Variants in NKAIN3 observed in about 807,000 individuals in gnomAD.
The protein encoded by NKAIN3 is sodium/potassium-transporting ATPase subunit beta-1-interacting protein 3.
NKAIN3 carries 25 observed loss-of-function variants against 30.2 expected under a neutral mutation model. The ratio of observed to expected loss-of-function variants is 0.83; its 90% CI spans 0.60 to 1.16. The LOEUF (loss-of-function observed/expected upper bound fraction) is 1.16. Among genes scored for constraint, NKAIN3 ranks in the 50% most tolerant of loss-of-function variants. The pLI is 0.00. For synonymous variants in NKAIN3, 91 were observed against 89.6 expected, an observed-to-expected ratio of 1.02 and a Z score of -0.09; for missense variants, 225 against 254.1, an observed-to-expected ratio of 0.89 and a Z score of 0.78.
intron 3 of NKAIN3, among the ~76,000 whole-genome samples, chr8:62,693,473 G>A (rs2130448615): frequency 6.6e-6 from 1 of 152,286 alleles, no homozygotes; most frequent in South Asian, 2.1e-4. Flanking sequence ...TCCATGGTCA[G>A]TGCAAAGGCT....
chr8:62,994,076 A>G (rs1263423019), intron 5 of NKAIN3, among the ~76,000 whole-genome samples: 2 of 152,200 alleles, frequency 1.3e-5, no homozygotes, highest in Admixed American at 6.5e-5. Flanking sequence ...ATGTGTTAAC[A>G]TTAAAGATGC....
chr8:62,753,289 T>C (rs116305398), intron 4 of NKAIN3, among the ~76,000 whole-genome samples: 2,515 of 151,956 alleles, frequency 0.017, 68 homozygotes, highest in African/African-American at 0.059. Context: ...GAATAAAGTA[T>C]TTCTGCTTGA....
At chr8:62,373,546 C>G (rs1816974700) in intron 1 of NKAIN3, among the ~76,000 whole-genome samples, 1 of 152,114 alleles carries the variant, frequency 6.6e-6, no homozygotes, top group Admixed American at 6.5e-5. Flanking sequence ...CCCTTCCAAA[C>G]CAAGGCTTTT....
At chr8:62,666,528 T>C (rs115710427) in intron 3 of NKAIN3, among the ~76,000 whole-genome samples, 1,888 of 152,180 alleles carry the variant, frequency 0.012, 44 homozygotes, top group East Asian at 0.059. Flanking sequence ...TTTTGTTATG[T>C]TTGTAGTTTT....
At chr8:62,504,224 C>T (rs1807560227) in intron 1 of NKAIN3, among the ~76,000 whole-genome samples, 1 of 152,016 alleles carries the variant, frequency 6.6e-6, no homozygotes, top group African/African-American at 2.4e-5. Context: ...TGAAACTGTC[C>T]CCCCACCACC....
intron 1 of NKAIN3, among the ~76,000 whole-genome samples, chr8:62,339,966 G>A (rs1444717073): frequency 1.3e-5 from 2 of 151,896 alleles, no homozygotes; most frequent in Non-Finnish European, 2.9e-5. Context: ...GGACAAGTAG[G>A]GATTTATATC....
chr8:62,400,321 A>T, intron 1 of NKAIN3, among the ~76,000 whole-genome samples: 1 of 151,644 alleles, frequency 6.6e-6, no homozygotes, highest in Non-Finnish European at 1.5e-5. Context: ...ACAGGCCTGC[A>T]CCACCATGCC....
chr8:62,582,384 A>G (rs1810332481), intron 2 of NKAIN3, among the ~76,000 whole-genome samples: 1 of 152,140 alleles, frequency 6.6e-6, no homozygotes, highest in Admixed American at 6.6e-5. Flanking sequence ...TGCCTTTATC[A>G]AACAATTGTC....
intron 1 of NKAIN3, among the ~76,000 whole-genome samples, chr8:62,401,238 G>A (rs1803861499): frequency 6.6e-6 from 1 of 151,982 alleles, no homozygotes; most frequent in African/African-American, 2.4e-5. Context: ...CCTGCAGTGA[G>A]TCAATTGCAT....
intron 1 of NKAIN3, among the ~76,000 whole-genome samples, chr8:62,260,297 T>C (rs922746824): frequency 1.3e-5 from 2 of 152,128 alleles, no homozygotes; most frequent in Admixed American, 6.6e-5. Flanking sequence ...ACAGGAATGC[T>C]CTACACTCAA....
At chr8:62,839,909 A>C (rs992735726) in intron 4 of NKAIN3, among the ~76,000 whole-genome samples, 1 of 152,136 alleles carries the variant, frequency 6.6e-6, no homozygotes, top group African/African-American at 2.4e-5. Flanking sequence ...CACCACACCC[A>C]GCCTGCCTAA....
downstream of NKAIN3, among the ~76,000 whole-genome samples, chr8:62,988,028 G>C (rs552488100): frequency 6.6e-6 from 1 of 152,326 alleles, no homozygotes; most frequent in East Asian, 1.9e-4. Flanking sequence ...CCCTATGCAA[G>C]TCTGGAATCC....
In NKAIN3 at chr8:62,976,774, G is replaced by A. The variant is rs188107202; in HGVS notation, c.*11367G>A. Among the ~76,000 whole-genome samples the A allele has an allele frequency of 6.6e-6, 1 of 152,208 alleles. No individual in the cohort carries two copies. The highest frequency in any genetic ancestry group is 1.9e-4 in the East Asian group (1 of 5,194). On this transcript the variant is annotated 3_prime_UTR_variant, in exon 7 of 7. Coordinates refer to ENST00000623646, the MANE Select transcript of NKAIN3 (RefSeq NM_001304533.3). ...CATTAGTTGATGCAGCTTCTTCATA[G>A]TGTCGATGGTCTTTACATTTTGGAA... is the stretch of plus-strand genomic sequence containing the variant.
chr8:62,866,972 G>A (rs940850275), intron 4 of NKAIN3, among the ~76,000 whole-genome samples: 16 of 151,210 alleles, frequency 1.1e-4, no homozygotes, highest in Non-Finnish European at 1.9e-4. Context: ...GGAGAATGGC[G>A]TGAACGCTGG....
chr8:62,657,633 T>C (rs1018488541), intron 3 of NKAIN3, among the ~76,000 whole-genome samples: 9 of 152,230 alleles, frequency 5.9e-5, no homozygotes, highest in African/African-American at 2.2e-4. Flanking sequence ...TTCATCATTC[T>C]ATCTGTGGTA....
intron 4 of NKAIN3, among the ~76,000 whole-genome samples, chr8:62,897,370 AT>A (rs34000069): frequency 0.77 from 116,681 of 150,874 alleles, 45,912 homozygotes; most frequent in East Asian, 0.97. Flanking sequence ...TGTTGGTGTA[AT>A]TTTTTTTTTT....
chr8:62,879,269 T>C (rs1318706989), intron 4 of NKAIN3, among the ~76,000 whole-genome samples: 2 of 152,248 alleles, frequency 1.3e-5, no homozygotes, highest in Non-Finnish European at 2.9e-5. Flanking sequence ...CCAGTGATGA[T>C]GAGCATTTTT....
intron 5 of NKAIN3, among the ~76,000 whole-genome samples, chr8:62,947,338 T>G (rs1337502021): frequency 1.3e-5 from 2 of 152,192 alleles, no homozygotes; most frequent in Non-Finnish European, 2.9e-5. Context: ...GAAACAAACA[T>G]GAATTAAAGT....
rs553786485 is a variant in NKAIN3 at position 62,488,231 on chromosome 8, C to A, written c.55-91308C>A. On this transcript the variant is annotated intron_variant, in intron 1 of 6. Coordinates refer to ENST00000623646, the MANE Select transcript of NKAIN3 (RefSeq NM_001304533.3). ...CCTTCCCTGATTTTGCTGGTTCACC[C>A]ACAGAGAACATCTCAGTTTTCTGGA... Among the ~76,000 whole-genome samples the A allele has an allele frequency of 1.8e-4, 28 of 152,198 alleles. No individual in the cohort carries two copies. In the South Asian group the frequency reaches 4.4e-3, roughly 24 times the overall value.
Sources: gnomAD v4.1 joint callset for allele counts (sites outside exome capture counted in the v4.1 genomes callset) on GRCh38, gnomAD v4.1.1 for gene constraint, MANE v1.5 for transcripts, NCBI Gene and HGNC (gene_info 2026-07-23, HGNC 2026-07-21) for gene names.